UCHL3: variants seen among roughly 807,000 people sequenced by gnomAD.
The protein encoded by UCHL3 is ubiquitin carboxyl-terminal hydrolase isozyme L3.
A neutral mutation model predicts 35.8 loss-of-function variants in UCHL3; 22 were observed. The observed-to-expected ratio is 0.61, with a 90% CI of 0.44 to 0.88. The LOEUF (loss-of-function observed/expected upper bound fraction) is 0.88. UCHL3 is among the 40% of genes least tolerant of loss of function. The pLI, the probability that UCHL3 is intolerant of heterozygous loss-of-function variation, is 0.00. For missense variants in UCHL3, 229 were observed against 276.9 expected (o/e 0.83, Z 1.23); for synonymous variants, 90 against 92.8 (o/e 0.97, Z 0.17).
chr13:75,602,692 G>T (rs535439715), intron 7 of UCHL3, among the ~76,000 whole-genome samples: 13 of 152,258 alleles, frequency 8.5e-5, no homozygotes, highest in Non-Finnish European at 1.6e-4. Flanking sequence ...AAATATTTTA[G>T]GTTTTGTGGG....
chr13:75,593,908 T>G (rs1479866439), intron 6 of UCHL3, among the ~76,000 whole-genome samples: 2 of 152,240 alleles, frequency 1.3e-5, no homozygotes, highest in Admixed American at 1.3e-4. Flanking sequence ...TATAATTTTT[T>G]ATTTAAGATA....
chr13:75,562,436 T>C (rs1335349844), intron 3 of UCHL3, among the ~76,000 whole-genome samples: 1 of 152,130 alleles, frequency 6.6e-6, no homozygotes, highest in Non-Finnish European at 1.5e-5. Flanking sequence ...TTAAGTTTAC[T>C]CTCTTTTAAT....
chr13:75,553,139 C>A (rs1049270602), intron 2 of UCHL3, among the ~76,000 whole-genome samples: 3 of 152,160 alleles, frequency 2.0e-5, no homozygotes, highest in African/African-American at 7.2e-5. Flanking sequence ...CATATAAATT[C>A]TCATAAGAAT....
At chr13:75,563,163 G>GT (rs2031573685) in intron 3 of UCHL3, among the ~76,000 whole-genome samples, 1 of 151,246 alleles carries the variant, frequency 6.6e-6, no homozygotes, top group Non-Finnish European at 1.5e-5. Flanking sequence ...ATGTATGTAT[G>GT]TATATATATG....
At chr13:75,584,057 A>T (rs2032257602) in intron 6 of UCHL3, among the ~76,000 whole-genome samples, 1 of 152,164 alleles carries the variant, frequency 6.6e-6, no homozygotes, top group South Asian at 2.1e-4. Flanking sequence ...TCTCCTGTAG[A>T]ACAAAGCCTA....
intron 2 of UCHL3, among the ~76,000 whole-genome samples, chr13:75,559,868 GCTT>G (rs1200430525): frequency 2.0e-5 from 3 of 152,116 alleles, no homozygotes; most frequent in African/African-American, 7.2e-5. Flanking sequence ...AAAGTTATCA[GCTT>G]CTTTCGATAT....
At chr13:75,557,494 G>GT in intron 2 of UCHL3, among the ~76,000 whole-genome samples, 1 of 152,190 alleles carries the variant, frequency 6.6e-6, no homozygotes, top group East Asian at 1.9e-4. Flanking sequence ...TTAGTCAGAG[G>GT]TTTTTTTGGT....
intron 6 of UCHL3, among the ~76,000 whole-genome samples, chr13:75,574,394 G>T (rs2031959279): frequency 6.6e-6 from 1 of 151,992 alleles, no homozygotes; most frequent in Non-Finnish European, 1.5e-5. Flanking sequence ...TAGAATGTAG[G>T]TCCCATGAGG....
chr13:75,579,574 CTCCTT>C (rs1319795129), intron 6 of UCHL3, among the ~76,000 whole-genome samples: 3 of 151,880 alleles, frequency 2.0e-5, no homozygotes, highest in Admixed American at 2.0e-4. Context: ...CTCCATTTCT[CTCCTT>C]TCCTCCCCCC....
intron 7 of UCHL3, among the ~76,000 whole-genome samples, chr13:75,601,303 G>T (rs182753868): frequency 2.6e-5 from 4 of 152,344 alleles, no homozygotes; most frequent in African/African-American, 9.6e-5. Context: ...ATTTTTGGAA[G>T]AAGTTCTCCT....
At position 75,594,410 on chromosome 13, in the gene UCHL3, C is replaced by T. The variant is rs138849403; in HGVS notation, c.475-505C>T. On this transcript the variant is annotated intron_variant, in intron 6 of 8. Transcript: ENST00000377595. Reference sequence around the variant, plus strand: ...GCTTATTTTACTCAAAGACTGTTTACACTGCACTGTTGAAACATCAGATTA... The same window carrying T: ...GCTTATTTTACTCAAAGACTGTTTATACTGCACTGTTGAAACATCAGATTA... Among the ~76,000 whole-genome samples, 239 of 152,284 alleles carry T rather than the reference C, an allele frequency of 1.6e-3. 1 individual carries two copies. The highest frequency in any genetic ancestry group is 5.5e-3 in the African/African-American group (228 of 41,574).
rs373384610 is a variant in UCHL3 at position 75,590,521 on chromosome 13, A to G, written c.475-4394A>G. ...CCTTCTGAGTTCTTTGCCATCTATT[A>G]CTTTATTATTATTATTTTTTTATGT... On this transcript the variant is annotated intron_variant, in intron 6 of 8. Transcript: ENST00000377595. Among the ~76,000 whole-genome samples, 30 of 152,200 alleles carry G rather than the reference A, an allele frequency of 2.0e-4. No homozygotes were observed. The East Asian group carries it at 3.7e-3, about 19-fold the overall frequency.
intron 2 of UCHL3, among the ~76,000 whole-genome samples, chr13:75,558,754 T>C (rs944339995): frequency 3.3e-5 from 5 of 152,182 alleles, no homozygotes; most frequent in African/African-American, 7.2e-5. Context: ...TCTAGAAATA[T>C]ACCTTGGGTG....
intron 6 of UCHL3, among the ~76,000 whole-genome samples, chr13:75,587,999 T>C (rs902272232): frequency 6.6e-6 from 1 of 152,148 alleles, no homozygotes; most frequent in Non-Finnish European, 1.5e-5. Flanking sequence ...TTGATGATCA[T>C]GCTCCTTGCT....
chr13:75,583,925 T>C (rs2032254043), intron 6 of UCHL3, among the ~76,000 whole-genome samples: 1 of 152,174 alleles, frequency 6.6e-6, no homozygotes. Context: ...ATCCACTCTC[T>C]GCAGACCTCA....
intron 6 of UCHL3, among the ~76,000 whole-genome samples, chr13:75,580,495 T>C (rs1279484770): frequency 6.6e-6 from 1 of 152,350 alleles, no homozygotes; most frequent in African/African-American, 2.4e-5. Flanking sequence ...GCTCTAGAGA[T>C]GTTCCCAATT....
At chr13:75,571,720 T>C (rs759168597) in intron 6 of UCHL3, among the ~76,000 whole-genome samples, 1 of 152,162 alleles carries the variant, frequency 6.6e-6, no homozygotes, top group Non-Finnish European at 1.5e-5. Context: ...ATTCTCAAGA[T>C]GGAGTGCAGA....
Position 75,572,110 on chromosome 13 carries a change from C to T in UCHL3, c.474+2603C>T, listed in dbSNP as rs2031881713. Among the ~76,000 whole-genome samples the T allele has an allele frequency of 2.6e-5, 4 of 151,110 alleles. No individual in the cohort carries two copies. The South Asian group carries it at 8.4e-4, about 32-fold the overall frequency. ...CTAACTTTAATTATTTCTTTTTAGC[C>T]ATCCCTTATTTCCTTATTTTATTAT... On this transcript the variant is annotated intron_variant, in intron 6 of 8. Coordinates refer to ENST00000377595, the MANE Select transcript of UCHL3 (RefSeq NM_006002.5).
chr13:75,549,771 C>CGGCGGCGAA, upstream of UCHL3: 3 of 1,053,836 alleles, frequency 2.8e-6, no homozygotes, highest in South Asian at 2.0e-5. Flanking sequence ...GAAGCGGCGG[C>CGGCGGCGAA]GGCGGCGAAG....
Sources: gnomAD v4.1 joint callset for allele counts (sites outside exome capture counted in the v4.1 genomes callset) on GRCh38, gnomAD v4.1.1 for gene constraint, MANE v1.5 for transcripts, NCBI Gene and HGNC (gene_info 2026-07-23, HGNC 2026-07-21) for gene names.